The following CHST11 variants were observed in gnomAD, a reference collection of about 807,000 sequenced individuals.
CHST11 encodes the protein C4S-1.
Under a neutral mutation model 30.4 loss-of-function variants are expected in CHST11, and 9 were observed. The ratio of observed to expected loss-of-function variants is 0.30; its 90% confidence interval spans 0.18 to 0.52. The LOEUF (loss-of-function observed/expected upper bound fraction) is 0.52, where lower values mean the gene tolerates loss of function less well. Ranked by LOEUF, CHST11 falls within the 20% of genes least tolerant of loss-of-function variation. The probability of loss-of-function intolerance (pLI) is 0.97; values close to 1 mark genes in which losing one functional copy is unlikely to be tolerated. For synonymous variants in CHST11, 152 were observed against 187.8 expected (o/e 0.81, Z 1.56); for missense variants, 348 against 460.6 (o/e 0.76, Z 2.24).
At chr12:104,543,113 C>G (rs2038301147) in intron 1 of CHST11, among the ~76,000 whole-genome samples, 1 of 152,164 alleles carries the variant, frequency 6.6e-6, no homozygotes, top group African/African-American at 2.4e-5. Flanking sequence ...AGCTTCCAGT[C>G]ATGGCAGAAG....
intron 2 of CHST11, among the ~76,000 whole-genome samples, chr12:104,673,499 T>C (rs1346949050): frequency 6.6e-6 from 1 of 152,208 alleles, no homozygotes; most frequent in Non-Finnish European, 1.5e-5. Context: ...GGAATGATAA[T>C]AGTACCTACC....
chr12:104,728,870 G>A (rs2040235308), intron 2 of CHST11, among the ~76,000 whole-genome samples: 1 of 152,210 alleles, frequency 6.6e-6, no homozygotes, highest in Non-Finnish European at 1.5e-5. Context: ...GAAGCTCCAA[G>A]GTAGATGGCC....
intron 2 of CHST11, among the ~76,000 whole-genome samples, chr12:104,719,708 T>G (rs1040460058): frequency 6.6e-6 from 1 of 152,236 alleles, no homozygotes; most frequent in African/African-American, 2.4e-5. Context: ...TTCAGTGTTC[T>G]TCAGAATGAG....
chr12:104,573,189 G>A (rs201361534), intron 1 of CHST11, among the ~76,000 whole-genome samples: 47 of 152,158 alleles, frequency 3.1e-4, no homozygotes, highest in Non-Finnish European at 4.7e-4. Context: ...ACTACAAACC[G>A]CTGCTCAATG....
rs79058756 is a variant in CHST11 at position 104,526,914 on chromosome 12, G to A, written c.118+69385G>A. On this transcript the variant is annotated intron_variant, in intron 1 of 2. Coordinates refer to ENST00000303694, the MANE Select transcript of CHST11 (RefSeq NM_018413.6). ...CCCATACCTTGTCCTCTTTTCTCCC[G>A]GGTTGGCAAGGCCTCCGTGTTCTCC... Among the ~76,000 whole-genome samples, 245 of 152,276 alleles carry A rather than the reference G, an allele frequency of 1.6e-3. 1 individual carries two copies. Among genetic ancestry groups the A allele is most frequent in the African/African-American group, 5.6e-3 (233 of 41,538 alleles).
At chr12:104,618,229 T>C (rs529047604) in intron 2 of CHST11, among the ~76,000 whole-genome samples, 43 of 150,294 alleles carry the variant, frequency 2.9e-4, no homozygotes, top group African/African-American at 8.8e-4. Flanking sequence ...CTTTTCTTTT[T>C]TTTTTTTTTT....
intron 1 of CHST11, among the ~76,000 whole-genome samples, chr12:104,601,683 A>C (rs936629174): frequency 6.6e-6 from 1 of 152,206 alleles, no homozygotes; most frequent in Non-Finnish European, 1.5e-5. Flanking sequence ...GAGACTTTTT[A>C]GCATGATCTA....
In CHST11 at chr12:104,758,611, A is replaced by G. The variant is rs555920976; in HGVS notation, c.*808A>G. On this transcript the variant is annotated 3_prime_UTR_variant, in exon 3 of 3. Coordinates refer to ENST00000303694, the MANE Select transcript of CHST11 (RefSeq NM_018413.6). ...GAAGATAGAGCGTTGAACAAACCCA[A>G]TAGTCTTGGCCCTCAAAAAGCTTTA... is the stretch of plus-strand genomic sequence containing the variant. 2.0e-5 allele frequency: 3 copies of G among 152,292 alleles called. No homozygotes were observed. Among genetic ancestry groups the G allele is most frequent in the Admixed American group, 6.5e-5 (1 of 15,302 alleles). The allele number at this position is 152,292 out of a possible 1,614,324, so 9.4% of individuals were successfully genotyped here.
intron 2 of CHST11, among the ~76,000 whole-genome samples, chr12:104,747,552 A>G (rs1482734320): frequency 6.6e-6 from 1 of 152,138 alleles, no homozygotes; most frequent in African/African-American, 2.4e-5. Flanking sequence ...TCTGCCAGAA[A>G]GAAACGTCAT....
intron 1 of CHST11, among the ~76,000 whole-genome samples, chr12:104,506,318 C>T (rs1403303390): frequency 1.3e-5 from 2 of 152,168 alleles, no homozygotes; most frequent in African/African-American, 2.4e-5. Context: ...ACGTATTAGC[C>T]GTGTGACCTG....
At chr12:104,730,197 G>A (rs1395236228) in intron 2 of CHST11, among the ~76,000 whole-genome samples, 3 of 152,192 alleles carry the variant, frequency 2.0e-5, no homozygotes, top group East Asian at 3.8e-4. Flanking sequence ...GGAACTACCC[G>A]ACCTGGGTTG....
At chr12:104,498,333 G>T (rs538403981) in intron 1 of CHST11, among the ~76,000 whole-genome samples, 1 of 152,266 alleles carries the variant, frequency 6.6e-6, no homozygotes, top group Admixed American at 6.5e-5. Context: ...TGGGCTGGGG[G>T]TGGGGCAAAT....
chr12:104,626,597 AC>A (rs903100622), intron 2 of CHST11, among the ~76,000 whole-genome samples: 16 of 150,962 alleles, frequency 1.1e-4, no homozygotes, highest in Non-Finnish European at 2.2e-4. Context: ...AAAAAAAAAA[AC>A]ATGGTCAAAA....
chr12:104,745,425 T>C (rs946529541), intron 2 of CHST11, among the ~76,000 whole-genome samples: 1 of 152,220 alleles, frequency 6.6e-6, no homozygotes, highest in Non-Finnish European at 1.5e-5. Flanking sequence ...ATTCGGGCTC[T>C]TTTTTGGTTC....
chr12:104,545,882 A>G lies in CHST11; in HGVS notation c.119-56024A>G, dbSNP rs1592755840. Among the ~76,000 whole-genome samples, 8 of 152,102 alleles carry G rather than the reference A, an allele frequency of 5.3e-5. 1 individual carries two copies. The South Asian group carries it at 1.7e-3, about 32-fold the overall frequency. On this transcript the variant is annotated intron_variant, in intron 1 of 2. Coordinates refer to ENST00000303694, the MANE Select transcript of CHST11 (RefSeq NM_018413.6). ...ACTTTGTCACCCAGGCTAGAATGCAATGGTATGATCTCAGCTCACTGCAAC... is the reference window on the plus strand; with the variant it reads ...ACTTTGTCACCCAGGCTAGAATGCAGTGGTATGATCTCAGCTCACTGCAAC...
intron 2 of CHST11, among the ~76,000 whole-genome samples, chr12:104,684,407 C>G (rs2039826591): frequency 6.6e-6 from 1 of 152,294 alleles, no homozygotes; most frequent in South Asian, 2.1e-4. Context: ...AATGGCAGAG[C>G]TACTCAGCTT....
At chr12:104,724,253 G>T (rs1014431917) in intron 2 of CHST11, among the ~76,000 whole-genome samples, 9 of 152,216 alleles carry the variant, frequency 5.9e-5, no homozygotes, top group Admixed American at 4.6e-4. Context: ...GTATCTGACG[G>T]CACCCGGAGT....
chr12:104,482,216 G>A (rs188622369), intron 1 of CHST11, among the ~76,000 whole-genome samples: 14 of 144,316 alleles, frequency 9.7e-5, no homozygotes, highest in Non-Finnish European at 1.7e-4. Context: ...CCTTCCTTTC[G>A]CCTTCCCCCA....
intron 2 of CHST11, among the ~76,000 whole-genome samples, chr12:104,726,897 G>A (rs2040221069): frequency 6.6e-6 from 1 of 152,160 alleles, no homozygotes; most frequent in Admixed American, 6.5e-5. Flanking sequence ...TGAAAGGTAG[G>A]ATGTAGGGCA....
Sources: allele counts gnomAD v4.1 joint callset (sites outside exome capture counted in the v4.1 genomes callset), GRCh38; gene constraint gnomAD v4.1.1; transcripts MANE v1.5; gene names NCBI Gene and HGNC (gene_info 2026-07-23, HGNC 2026-07-21).